NKX2-2: variants seen among roughly 807,000 people sequenced by gnomAD.
The protein encoded by NKX2-2 is homeobox protein Nkx-2.2.
In NKX2-2, 8 loss-of-function variants were observed where a neutral mutation model predicts 24.6. The observed-to-expected ratio is 0.32, with a 90% confidence interval of 0.19 to 0.59. The LOEUF is 0.59. Among genes scored for constraint, NKX2-2 ranks in the 20% least tolerant of loss-of-function variants. The pLI is 0.86. For missense variants in NKX2-2, 381 were observed against 373.9 expected (o/e 1.02, Z -0.16); for synonymous variants, 217 against 173.3 (o/e 1.25, Z -1.98).
rs754012308 is a variant in NKX2-2, at chr20:21,512,519, G to A, written c.260-34C>T. On this transcript the variant is annotated intron_variant, in intron 1 of 1. Coordinates refer to ENST00000377142, the MANE Select transcript of NKX2-2 (RefSeq NM_002509.4). ...AGGGGGAGAGAGAAGCGCGTCAGGC[G>A]TCTGGAGGCCGCGCGCAGCCTGCAC... The A allele has an allele frequency of 5.5e-6, 8 of 1,458,868 alleles. No homozygotes were observed. In the African/African-American group the frequency reaches 6.9e-5, roughly 13 times the overall value. 90.4% of individuals were successfully genotyped at this position (1,458,868 alleles called of 1,614,324 possible).
chr20:21,522,596 C>T, the NKX2-2 span, among the ~76,000 whole-genome samples: 2 of 151,992 alleles, frequency 1.3e-5, no homozygotes, highest in African/African-American at 4.8e-5. Flanking sequence ...GGAGCCTCGG[C>T]TGGGCGAGCG....
Position 21,513,102 on chromosome 20 carries a change from C to A in NKX2-2, c.259+309G>T, listed in dbSNP as rs1355478327. On this transcript the variant is annotated intron_variant, in intron 1 of 1. Transcript: ENST00000377142. This position sits in a 1 kb window ranked among gnomAD's most constrained non-coding sequence, Gnocchi z 4.6. ...CCCAGCGGCCGGAGTCCGGGGGCTG[C>A]GGCTGGAGCCATCGGTCCGGGTTGA... Among the ~76,000 whole-genome samples the A allele has an allele frequency of 2.6e-5, 4 of 152,162 alleles. No homozygotes were observed. Among genetic ancestry groups the A allele is most frequent in the Admixed American group, 6.5e-5 (1 of 15,302 alleles).
chr20:21,514,578 C>G (rs1003778595), upstream of NKX2-2, among the ~76,000 whole-genome samples: 2 of 152,184 alleles, frequency 1.3e-5, no homozygotes, highest in African/African-American at 4.8e-5. Flanking sequence ...TAACATTCAC[C>G]GGTTCCTACC....
upstream of NKX2-2, among the ~76,000 whole-genome samples, chr20:21,518,487 G>A (rs1980695386): frequency 6.6e-6 from 1 of 152,212 alleles, no homozygotes; most frequent in Non-Finnish European, 1.5e-5. Context: ...ATTGAGTTCG[G>A]GTTCAGGCGG....
chr20:21,516,304 T>C (rs929140722), upstream of NKX2-2, among the ~76,000 whole-genome samples: 5 of 151,956 alleles, frequency 3.3e-5, no homozygotes, highest in Non-Finnish European at 7.4e-5. Context: ...TCTTTTCTCC[T>C]TTCTCCCCCT....
chr20:21,515,698 G>A (rs1600262592), upstream of NKX2-2, among the ~76,000 whole-genome samples: 2 of 152,138 alleles, frequency 1.3e-5, no homozygotes, highest in South Asian at 2.1e-4. Flanking sequence ...GGGCACAGAA[G>A]GCCACCCCTG....
upstream of NKX2-2, among the ~76,000 whole-genome samples, chr20:21,515,606 G>C (rs866049947): frequency 3.3e-5 from 5 of 151,670 alleles, no homozygotes; most frequent in Non-Finnish European, 7.4e-5. Context: ...TTGGGGGGGG[G>C]GTGCAGGGGT....
At chr20:21,515,292 C>T (rs918980519), upstream of NKX2-2, among the ~76,000 whole-genome samples, 13 of 152,032 alleles carry the variant, frequency 8.6e-5, no homozygotes, top group Non-Finnish European at 1.3e-4. Context: ...GGTTGTGTCT[C>T]CAGCCTGGGT....
upstream of NKX2-2, among the ~76,000 whole-genome samples, chr20:21,516,995 C>G (rs1210948846): frequency 1.3e-5 from 2 of 152,244 alleles, no homozygotes; most frequent in South Asian, 2.1e-4. Context: ...CCTCCCCTCA[C>G]CCGTGGGAGC....
chr20:21,522,139 C>A, the NKX2-2 span, among the ~76,000 whole-genome samples: 1 of 152,254 alleles, frequency 6.6e-6, no homozygotes, highest in African/African-American at 2.4e-5. Context: ...GGGCCCTGCC[C>A]GTCCTCGAGT....
upstream of NKX2-2, among the ~76,000 whole-genome samples, chr20:21,516,353 G>A (rs932942925): frequency 7.0e-6 from 1 of 143,848 alleles, no homozygotes; most frequent in Admixed American, 6.9e-5. Context: ...TTAGAAACTT[G>A]TTTGAATCGT....
rs1295793843 is a variant in NKX2-2 at position 21,512,497 on chromosome 20, G to A, written c.260-12C>T. 1.9e-6 allele frequency: 3 copies of A among 1,538,912 alleles called. No individual in the cohort carries two copies. The highest frequency in any genetic ancestry group is 2.6e-6 in the Non-Finnish European group (3 of 1,150,232). ...AGCCAGACCGTGCACTGGGGGGAGG[G>A]GGAGAGAGAAGCGCGTCAGGCGTCT... is the stretch of plus-strand genomic sequence containing the variant. On this transcript the variant is annotated splice_polypyrimidine_tract_variant and intron_variant, in intron 1 of 1. Coordinates refer to ENST00000377142, the MANE Select transcript of NKX2-2 (RefSeq NM_002509.4).
At chr20:21,517,797 T>G (rs1421020812), upstream of NKX2-2, among the ~76,000 whole-genome samples, 1 of 152,122 alleles carries the variant, frequency 6.6e-6, no homozygotes, top group Non-Finnish European at 1.5e-5. Flanking sequence ...CCAAGAGGCC[T>G]CCCCGAGAGT....
Position 21,513,757 on chromosome 20 carries a change from G to A in NKX2-2, c.-88C>T, listed in dbSNP as rs1411822804. On this transcript the variant is annotated 5_prime_UTR_variant, in exon 1 of 2. Coordinates refer to ENST00000377142, the MANE Select transcript of NKX2-2 (RefSeq NM_002509.4). This position sits in a 1 kb window ranked among gnomAD's most constrained non-coding sequence, Gnocchi z 4.6. Reference sequence around the variant, plus strand: ...CCCCTGCCCCGGCGGGCGGGGGAGGGGGGAGTTGGGGGGAGGGACTGGGGG... The same window carrying A: ...CCCCTGCCCCGGCGGGCGGGGGAGGAGGGAGTTGGGGGGAGGGACTGGGGG... The A allele has an allele frequency of 8.4e-6, 7 of 829,018 alleles. No individual in the cohort carries two copies. Among genetic ancestry groups the A allele is most frequent in the Admixed American group, 3.5e-5 (1 of 28,456 alleles). The allele number at this position is 829,018 out of a possible 1,614,324, so 51.4% of individuals were successfully genotyped here.
At chr20:21,516,566 T>G (rs960045237), upstream of NKX2-2, among the ~76,000 whole-genome samples, 2 of 152,062 alleles carry the variant, frequency 1.3e-5, no homozygotes, top group Non-Finnish European at 1.5e-5. Context: ...CCACTGCTAT[T>G]GTTACTCAGC....
the NKX2-2 span, among the ~76,000 whole-genome samples, chr20:21,519,322 G>A: frequency 6.6e-6 from 1 of 152,182 alleles, no homozygotes; most frequent in African/African-American, 2.4e-5. Context: ...AAGTGGATTA[G>A]TTTATTGTCT....
rs1980529447 is a variant in NKX2-2 at position 21,513,756 on chromosome 20, G to T, written c.-87C>A. ...TCCCCTGCCCCGGCGGGCGGGGGAGGGGGGAGTTGGGGGGAGGGACTGGGG... is the reference window on the plus strand; with the variant it reads ...TCCCCTGCCCCGGCGGGCGGGGGAGTGGGGAGTTGGGGGGAGGGACTGGGG... On this transcript the variant is annotated 5_prime_UTR_variant, in exon 1 of 2. Coordinates refer to ENST00000377142, the MANE Select transcript of NKX2-2 (RefSeq NM_002509.4). This position sits in a 1 kb window ranked among gnomAD's most constrained non-coding sequence, Gnocchi z 4.6. The T allele has an allele frequency of 2.4e-6, 2 of 820,632 alleles. No individual in the cohort carries two copies. The highest frequency in any genetic ancestry group is 3.5e-6 in the Non-Finnish European group (2 of 564,180). The allele number at this position is 820,632 out of a possible 1,614,324, so 50.8% of individuals were successfully genotyped here. A position where few individuals can be genotyped will look rare whatever the true frequency, so the allele number is the denominator to read the frequency against.
At chr20:21,516,485 G>A (rs1256445845), upstream of NKX2-2, among the ~76,000 whole-genome samples, 1 of 151,392 alleles carries the variant, frequency 6.6e-6, no homozygotes, top group Non-Finnish European at 1.5e-5. Flanking sequence ...CTGCCCCGTC[G>A]GAGGAGGGAA....
At chr20:21,517,348 G>A (rs1980665457), upstream of NKX2-2, among the ~76,000 whole-genome samples, 1 of 152,172 alleles carries the variant, frequency 6.6e-6, no homozygotes, top group Non-Finnish European at 1.5e-5. Flanking sequence ...TGGGCAGGGA[G>A]GGAGAGAATT....
Sources: gnomAD v4.1 joint callset for allele counts (sites outside exome capture counted in the v4.1 genomes callset) on GRCh38, gnomAD v4.1.1 for gene constraint, Gnocchi (gnomAD v3.1) non-coding constraint, MANE v1.5 for transcripts, NCBI Gene and HGNC (gene_info 2026-07-23, HGNC 2026-07-21) for gene names.